ARMCX4: variants seen among roughly 807,000 people sequenced by gnomAD.
ARMCX4 encodes the protein armadillo repeat containing X-linked 4.
Under a neutral mutation model 34.7 loss-of-function variants are expected in ARMCX4, and 3 were observed. The observed-to-expected ratio is 0.09, with a 90% CI of 0.04 to 0.22. The LOEUF (loss-of-function observed/expected upper bound fraction) is 0.22. Among genes scored for constraint, ARMCX4 ranks in the 10% least tolerant of loss-of-function variants. The pLI is 1.00. For synonymous variants in ARMCX4, 513 were observed against 632.8 expected, an observed-to-expected ratio of 0.81 and a Z score of 2.84; for missense variants, 1,448 against 1,720.8, an observed-to-expected ratio of 0.84 and a Z score of 2.81.
intron 2 of ARMCX4, among the ~76,000 whole-genome samples, chrX:101,434,681 C>T (rs782454498): frequency 9.1e-6 from 1 of 109,861 alleles, no homozygotes; most frequent in South Asian, 3.9e-4. Flanking sequence ...TACATGTGCA[C>T]AACGTGCTGG....
intron 11 of ARMCX4, among the ~76,000 whole-genome samples, chrX:101,518,073 C>T (rs1263891851): frequency 9.0e-6 from 1 of 110,959 alleles, no homozygotes; most frequent in Non-Finnish European, 1.9e-5. Context: ...TTTTTTTACC[C>T]AAAAAAGTTT....
chrX:101,501,450 A>G (rs782019746), intron 7 of ARMCX4, among the ~76,000 whole-genome samples: 1 of 112,816 alleles, frequency 8.9e-6, no homozygotes, highest in African/African-American at 3.2e-5. Flanking sequence ...TGCTCCATGG[A>G]CAGACCAGGG....
Position 101,489,980 on chromosome X carries a change from A to T in ARMCX4, c.1391A>T (p.Asp464Val), listed in dbSNP as rs1318694281. ...CCCAATGTTATGGCTAAGGTGGGGG[A>T]TGGGACAGACATGTTGTCCTGTACA... ...GNPNVMAKVG[D>V]GTDMLSCTQP... Residue 464 changes from aspartate (D) to valine (V), a missense_variant, in exon 6 of 6, where the codon GAT becomes GTT. This residue lies in a region of ARMCX4 where 1,343 missense variants were observed against 1,540.7 expected (regional missense o/e 0.87). Transcript: ENST00000423738. The T allele has an allele frequency of 3.5e-6, 4 of 1,151,445 alleles. No individual in the cohort carries two copies. The African/African-American group carries it at 7.3e-5, about 21-fold the overall frequency. 94.9% of individuals were successfully genotyped at this position (1,151,445 alleles called of 1,213,427 possible).
At chrX:101,503,963 A>G (rs1432125734) in intron 7 of ARMCX4, among the ~76,000 whole-genome samples, 5 of 111,440 alleles carry the variant, frequency 4.5e-5, no homozygotes, top group South Asian at 3.7e-4. Flanking sequence ...TAATTTTTGT[A>G]TAAGGTGTAA....
At chrX:101,433,447 C>T (rs782418753) in intron 2 of ARMCX4, among the ~76,000 whole-genome samples, 3 of 110,350 alleles carry the variant, frequency 2.7e-5, no homozygotes, top group South Asian at 7.5e-4. Context: ...CACACACACA[C>T]GTACTTAGGA....
intron 4 of ARMCX4, among the ~76,000 whole-genome samples, chrX:101,460,507 C>G (rs1932559812): frequency 8.9e-6 from 1 of 111,875 alleles, no homozygotes; most frequent in Admixed American, 9.5e-5. Flanking sequence ...TAAATGCTTA[C>G]TTAGTAGTGA....
chrX:101,479,981 C>T (rs1933368632), intron 4 of ARMCX4, among the ~76,000 whole-genome samples: 1 of 110,448 alleles, frequency 9.1e-6, no homozygotes, highest in South Asian at 3.8e-4. Context: ...CAGTTTATAA[C>T]TATATATATT....
At chrX:101,439,066 T>G (rs1406191236) in intron 2 of ARMCX4, among the ~76,000 whole-genome samples, 1 of 112,121 alleles carries the variant, frequency 8.9e-6, no homozygotes, top group Non-Finnish European at 1.9e-5. Flanking sequence ...TTCCTAGCCT[T>G]GATAGTCTTT....
At chrX:101,513,385 A>T (rs1603225251) in intron 11 of ARMCX4, among the ~76,000 whole-genome samples, 1 of 111,737 alleles carries the variant, frequency 8.9e-6, no homozygotes, top group East Asian at 2.8e-4. Context: ...ACTTATCATG[A>T]TACAGATATC....
chrX:101,468,723 C>G (rs953916562), intron 4 of ARMCX4, among the ~76,000 whole-genome samples: 1 of 110,722 alleles, frequency 9.0e-6, no homozygotes, highest in Non-Finnish European at 1.9e-5. Context: ...ACGCCATTCT[C>G]CTGCCTCAGC....
chrX:101,528,197 G>A (rs9781678), intron 11 of ARMCX4, among the ~76,000 whole-genome samples: 103 of 111,790 alleles, frequency 9.2e-4, no homozygotes, highest in African/African-American at 3.2e-3. Flanking sequence ...ATCAATAAAC[G>A]TAATCCATCA....
exon 3 of ARMCX4, chrX:101,444,104 T>C: frequency 3.1e-6 from 1 of 320,444 alleles, no homozygotes. Flanking sequence ...CTACAAACAG[T>C]TAGAAGATGC....
intron 2 of ARMCX4, among the ~76,000 whole-genome samples, chrX:101,435,207 C>T (rs1215380098): frequency 8.9e-6 from 1 of 111,770 alleles, no homozygotes; most frequent in Non-Finnish European, 1.9e-5. Flanking sequence ...CCTGAGGAAT[C>T]GCCACACTGA....
At chrX:101,434,340 G>A (rs58223493) in intron 2 of ARMCX4, among the ~76,000 whole-genome samples, 6,659 of 103,006 alleles carry the variant, frequency 0.065, 220 homozygotes, top group South Asian at 0.29. Flanking sequence ...TGCAACCTCC[G>A]CCGCCCAAGC....
chrX:101,439,743 A>G (rs781978852), intron 2 of ARMCX4, among the ~76,000 whole-genome samples: 26 of 111,647 alleles, frequency 2.3e-4, no homozygotes, highest in Admixed American at 3.8e-4. Flanking sequence ...TCCATCACTG[A>G]TACCCTTTCT....
At chrX:101,450,436 T>C (rs7054943), downstream of ARMCX4, among the ~76,000 whole-genome samples, 5,610 of 111,534 alleles carry the variant, frequency 0.05, 353 homozygotes, top group African/African-American at 0.18. Context: ...TAGTGAGTGC[T>C]TCCATGCCTG....
intron 12 of ARMCX4, chrX:101,532,550 C>T (rs1935149122): frequency 9.0e-6 from 1 of 111,103 alleles, no homozygotes; most frequent in South Asian, 3.8e-4. Context: ...GCTCAGAGCC[C>T]AGGGATACTC....
intron 4 of ARMCX4, among the ~76,000 whole-genome samples, chrX:101,467,717 A>G (rs1932818774): frequency 9.0e-6 from 1 of 111,256 alleles, no homozygotes; most frequent in Non-Finnish European, 1.9e-5. Flanking sequence ...TCATTTTTCT[A>G]TGTGTATTAG....
intron 1 of ARMCX4, 45 bp downstream of exon 1, chrX:101,485,575 C>G (rs1670079738): frequency 4.9e-6 from 1 of 203,229 alleles, no homozygotes; most frequent in Non-Finnish European, 7.4e-6. Flanking sequence ...CCGGCAGAAG[C>G]TCACTGACCC....
Sources: gnomAD v4.1 joint callset for allele counts (sites outside exome capture counted in the v4.1 genomes callset) on GRCh38, gnomAD v4.1.1 for gene constraint, gnomAD v4.1.1 regional missense constraint, MANE v1.5 for transcripts, NCBI Gene and HGNC (gene_info 2026-07-23, HGNC 2026-07-21) for gene names.